The following RAP1GDS1 variants were observed in gnomAD, a reference collection of about 807,000 sequenced individuals.
RAP1GDS1 encodes the protein Rap1 GTPase-GDP dissociation stimulator 1.
Under a neutral mutation model 71.1 loss-of-function variants are expected in RAP1GDS1, and 35 were observed. The observed-to-expected ratio is 0.49, with a 90% CI of 0.38 to 0.65. RAP1GDS1 has a LOEUF of 0.65. Among genes scored for constraint, RAP1GDS1 ranks in the 30% least tolerant of loss-of-function variants. The pLI is 0.00. For synonymous variants in RAP1GDS1, 229 were observed against 243.1 expected (o/e 0.94, Z 0.54); for missense variants, 663 against 706.1 (o/e 0.94, Z 0.69).
At chr4:98,308,558 G>A (rs1214630230) in intron 2 of RAP1GDS1, among the ~76,000 whole-genome samples, 2 of 151,694 alleles carry the variant, frequency 1.3e-5, no homozygotes, top group African/African-American at 4.8e-5. Context: ...GTTGAAAGTA[G>A]TCTCTACCAT....
chr4:98,332,592 A>G (rs1180553179), intron 2 of RAP1GDS1, among the ~76,000 whole-genome samples: 1 of 152,230 alleles, frequency 6.6e-6, no homozygotes, highest in African/African-American at 2.4e-5. Flanking sequence ...ACACAGCAGA[A>G]TTTAAACTTC....
intron 14 of RAP1GDS1, among the ~76,000 whole-genome samples, chr4:98,440,555 G>A (rs1238291612): frequency 6.6e-6 from 1 of 152,138 alleles, no homozygotes; most frequent in Non-Finnish European, 1.5e-5. Context: ...GTGTGAGGTG[G>A]CATCTTACTG....
intron 2 of RAP1GDS1, among the ~76,000 whole-genome samples, chr4:98,309,688 T>G (rs74684888): frequency 0.078 from 11,790 of 152,020 alleles, 493 homozygotes; most frequent in Admixed American, 0.14. Context: ...GAAATATATC[T>G]TCTTAATTGA....
intron 12 of RAP1GDS1, among the ~76,000 whole-genome samples, chr4:98,433,482 A>T (rs985755184): frequency 6.6e-6 from 1 of 151,820 alleles, no homozygotes; most frequent in Non-Finnish European, 1.5e-5. Flanking sequence ...TTTTGTAGAG[A>T]TGGGGTCTCG....
intron 6 of RAP1GDS1, among the ~76,000 whole-genome samples, chr4:98,403,230 CCA>C (rs1419136053): frequency 6.6e-6 from 1 of 151,854 alleles, no homozygotes; most frequent in Non-Finnish European, 1.5e-5. Context: ...ACCAGAGAGA[CCA>C]GTATATATTA....
intron 7 of RAP1GDS1, among the ~76,000 whole-genome samples, chr4:98,414,997 T>C (rs1466186219): frequency 6.6e-6 from 1 of 152,200 alleles, no homozygotes; most frequent in African/African-American, 2.4e-5. Flanking sequence ...AGGAATTCAC[T>C]CATGATTTGG....
intron 2 of RAP1GDS1, among the ~76,000 whole-genome samples, chr4:98,306,376 A>C (rs1421591422): frequency 1.3e-5 from 2 of 152,182 alleles, no homozygotes; most frequent in Non-Finnish European, 2.9e-5. Context: ...CACATGACAG[A>C]AGGTGGAAGG....
chr4:98,391,817 C>G, intron 5 of RAP1GDS1, 135 bp from the exon 6 acceptor site: 1 of 864,406 alleles, frequency 1.2e-6, no homozygotes, highest in Non-Finnish European at 1.7e-6. Context: ...TATGAATGGA[C>G]TTCATTTTCT....
chr4:98,399,591 C>T (rs1353540989), intron 6 of RAP1GDS1, among the ~76,000 whole-genome samples: 4 of 152,072 alleles, frequency 2.6e-5, no homozygotes, highest in African/African-American at 9.7e-5. Context: ...ACTGTGTCTG[C>T]CCCAGTCCCA....
intron 2 of RAP1GDS1, among the ~76,000 whole-genome samples, chr4:98,298,543 A>T (rs1728119331): frequency 6.6e-6 from 1 of 152,188 alleles, no homozygotes; most frequent in Non-Finnish European, 1.5e-5. Flanking sequence ...AATGGAAAAC[A>T]AAGTCTGGAT....
In RAP1GDS1 at chr4:98,311,639, T is replaced by G. The variant is rs185894119; in HGVS notation, c.112+18124T>G. Among the ~76,000 whole-genome samples, 27 of 152,296 alleles carry G rather than the reference T, an allele frequency of 1.8e-4. No individual in the cohort carries two copies. The East Asian group carries it at 5.0e-3, about 28-fold the overall frequency. ...ATGTATATTTATGTGTGTGTGCACA[T>G]GTATGTGTGTGTTTTGAGACAGGGT... On this transcript the variant is annotated intron_variant, in intron 2 of 14. Coordinates refer to ENST00000408927, the MANE Select transcript of RAP1GDS1 (RefSeq NM_001100427.2).
At chr4:98,311,434 T>C (rs1479859784) in intron 2 of RAP1GDS1, among the ~76,000 whole-genome samples, 1 of 152,172 alleles carries the variant, frequency 6.6e-6, no homozygotes, top group African/African-American at 2.4e-5. Flanking sequence ...ACCTAGTTTG[T>C]CATTTCCAAG....
intron 1 of RAP1GDS1, among the ~76,000 whole-genome samples, chr4:98,286,132 G>A (rs1725961956): frequency 6.6e-6 from 1 of 151,690 alleles, no homozygotes; most frequent in South Asian, 2.1e-4. Flanking sequence ...GGGCGTTGTA[G>A]TCAGCACCTG....
chr4:98,322,988 T>C (rs1421850615), intron 2 of RAP1GDS1, among the ~76,000 whole-genome samples: 1 of 149,480 alleles, frequency 6.7e-6, no homozygotes. Context: ...CAGGAGCTGG[T>C]TTTTTGAAAG....
intron 2 of RAP1GDS1, among the ~76,000 whole-genome samples, chr4:98,296,708 TG>T (rs1727806643): frequency 6.6e-6 from 1 of 152,168 alleles, no homozygotes; most frequent in African/African-American, 2.4e-5. Flanking sequence ...GATTGTAGTA[TG>T]GTTACTCTAT....
At chr4:98,438,812 A>C (rs1299771424) in intron 14 of RAP1GDS1, among the ~76,000 whole-genome samples, 1 of 151,678 alleles carries the variant, frequency 6.6e-6, no homozygotes, top group Non-Finnish European at 1.5e-5. Context: ...CCAGGCTGAT[A>C]CTGAACTCCT....
chr4:98,308,352 GTCTC>G (rs1308655385), intron 2 of RAP1GDS1, among the ~76,000 whole-genome samples: 1 of 134,112 alleles, frequency 7.5e-6, no homozygotes. Context: ...ATGGTGGTGT[GTCTC>G]TCTATTCCCA....
intron 3 of RAP1GDS1, among the ~76,000 whole-genome samples, chr4:98,351,610 T>C (rs1285470701): frequency 6.6e-6 from 1 of 151,884 alleles, no homozygotes; most frequent in African/African-American, 2.4e-5. Context: ...AGTTGTGATG[T>C]CCAAAAAGGT....
chr4:98,299,179 T>C (rs1464658254), intron 2 of RAP1GDS1, among the ~76,000 whole-genome samples: 4 of 152,322 alleles, frequency 2.6e-5, no homozygotes, highest in South Asian at 2.1e-4. Context: ...GTCCTTGTGA[T>C]AGTTTGCTCA....
Sources: gnomAD v4.1 joint callset for allele counts (sites outside exome capture counted in the v4.1 genomes callset) on GRCh38, gnomAD v4.1.1 for gene constraint, MANE v1.5 for transcripts, NCBI Gene and HGNC (gene_info 2026-07-23, HGNC 2026-07-21) for gene names.